SPTBN1: variants seen among roughly 807,000 people sequenced by gnomAD.
SPTBN1 encodes the protein spectrin beta chain, non-erythrocytic 1.
In SPTBN1, 32 loss-of-function variants were observed where a neutral mutation model predicts 266.4. That is an observed-to-expected ratio of 0.12 (90% CI 0.09 to 0.16). The LOEUF is 0.16. Ranked by LOEUF, SPTBN1 falls within the 10% of genes least tolerant of loss-of-function variation. The pLI, the probability that SPTBN1 is intolerant of heterozygous loss-of-function variation, is 1.00. For missense variants in SPTBN1, 2,296 were observed against 3,067.1 expected, an observed-to-expected ratio of 0.75 and a Z score of 5.94; for synonymous variants, 1,336 against 1,162.2, an observed-to-expected ratio of 1.15 and a Z score of -3.04.
chr2:54,573,005 G>C (rs923952410), intron 2 of SPTBN1, among the ~76,000 whole-genome samples: 2 of 152,136 alleles, frequency 1.3e-5, no homozygotes, highest in Non-Finnish European at 2.9e-5. Flanking sequence ...ATGAGAAGGC[G>C]GGCCCAGACC....
At chr2:54,498,016 A>T (rs1008256018) in intron 1 of SPTBN1, among the ~76,000 whole-genome samples, 1 of 152,230 alleles carries the variant, frequency 6.6e-6, no homozygotes, top group Non-Finnish European at 1.5e-5. Flanking sequence ...GTCCATCAAG[A>T]ATCAAGTTCC....
At chr2:54,632,343 C>G (rs978859593) in intron 16 of SPTBN1, among the ~76,000 whole-genome samples, 6 of 151,858 alleles carry the variant, frequency 4.0e-5, no homozygotes, top group Admixed American at 3.9e-4. Flanking sequence ...TCCTCACTCT[C>G]TTTGGAAAAA....
Position 54,618,349 on chromosome 2 carries a change from A to G in SPTBN1, c.763+156A>G, listed in dbSNP as rs13419870. On this transcript the variant is annotated intron_variant, in intron 7 of 35. Transcript: ENST00000356805. ...AATTTTTTGAGGATTTATGGAAAGG[A>G]TGACACTCAAAAAGGCCTTGAAAGA... Among the ~76,000 whole-genome samples the G allele has an allele frequency of 8.9e-3, 1,360 of 152,332 alleles. 17 individuals carry two copies. The highest frequency in any genetic ancestry group is 0.031 in the Middle Eastern group (9 of 294).
intron 2 of SPTBN1, among the ~76,000 whole-genome samples, chr2:54,544,740 A>C (rs1450038397): frequency 2.6e-5 from 4 of 152,210 alleles, no homozygotes; most frequent in African/African-American, 9.7e-5. Flanking sequence ...TACAAACTTG[A>C]ACAAAGTTTT....
intron 2 of SPTBN1, among the ~76,000 whole-genome samples, chr2:54,597,108 T>C (rs78086042): frequency 2.0e-3 from 307 of 152,336 alleles, no homozygotes; most frequent in African/African-American, 7.2e-3. Flanking sequence ...TAAAGACATT[T>C]TCTGACTCCA....
rs1671867259 is a variant in SPTBN1, at chr2:54,540,446, T to G, written c.148+13880T>G. ...ACTCACACGTCCTTTACTGTGGATT[T>G]GGCCCCTGCCTTCTTTTGTGCTCCA... is the stretch of plus-strand genomic sequence containing the variant. On this transcript the variant is annotated intron_variant, in intron 2 of 35. Transcript: ENST00000356805. This position sits in a 1 kb window ranked among gnomAD's most constrained non-coding sequence, Gnocchi z 5.6. Among the ~76,000 whole-genome samples the G allele has an allele frequency of 2.0e-5, 3 of 152,236 alleles. No homozygotes were observed. In the South Asian group the frequency reaches 6.2e-4, roughly 32 times the overall value.
At chr2:54,634,364 C>T (rs1020670778) in intron 17 of SPTBN1, among the ~76,000 whole-genome samples, 3 of 152,214 alleles carry the variant, frequency 2.0e-5, no homozygotes, top group Non-Finnish European at 2.9e-5. Context: ...TGCCCTTGAC[C>T]AAGAGCCTGG....
At chr2:54,644,883 C>T (rs1289795016) in intron 20 of SPTBN1, among the ~76,000 whole-genome samples, 1 of 152,206 alleles carries the variant, frequency 6.6e-6, no homozygotes, top group Admixed American at 6.5e-5. Context: ...AAATGTTCAT[C>T]TCATTCAATT....
intron 1 of SPTBN1, among the ~76,000 whole-genome samples, chr2:54,496,891 G>A (rs1172374310): frequency 1.3e-5 from 2 of 152,180 alleles, no homozygotes; most frequent in Non-Finnish European, 2.9e-5. Context: ...TGATATTACT[G>A]TGCTCATGGA....
At chr2:54,518,246 T>A (rs1164021543) in intron 1 of SPTBN1, among the ~76,000 whole-genome samples, 1 of 151,742 alleles carries the variant, frequency 6.6e-6, no homozygotes, top group Non-Finnish European at 1.5e-5. Context: ...TAGGTGGGAA[T>A]TGAACAGTGA....
chr2:54,608,237 A>T (rs1431635218), intron 3 of SPTBN1, among the ~76,000 whole-genome samples: 1 of 152,242 alleles, frequency 6.6e-6, no homozygotes, highest in Non-Finnish European at 1.5e-5. Context: ...TGCTCTTAGG[A>T]AGCGAACAGT....
intron 9 of SPTBN1, 31 bp from the exon 10 acceptor site, chr2:54,623,448 G>A (rs1470310856): frequency 3.1e-6 from 5 of 1,601,604 alleles, no homozygotes; most frequent in African/African-American, 2.7e-5. Flanking sequence ...TTTTTCTCCA[G>A]TACCAAATGA....
At chr2:54,612,543 G>C (rs1433679171) in intron 4 of SPTBN1, among the ~76,000 whole-genome samples, 3 of 152,158 alleles carry the variant, frequency 2.0e-5, no homozygotes, top group Non-Finnish European at 2.9e-5. Flanking sequence ...AATTGTACTA[G>C]CCCTGGTAAT....
Position 54,626,219 on chromosome 2 carries a change from G to A in SPTBN1, c.1629G>A (p.Trp543Ter). Residue 543 changes from tryptophan to a stop codon, truncating the protein, a stop_gained, in exon 12 of 36, where the codon TGG becomes TGA. Coordinates refer to ENST00000356805, the MANE Select transcript of SPTBN1 (RefSeq NM_003128.3). LOFTEE classifies it high-confidence loss of function. This position sits in a 1 kb window ranked among gnomAD's most constrained non-coding sequence, Gnocchi z 4.7. The stretch of plus-strand genomic sequence containing the variant: ...AGGAAATGCTCTACATTATGGACTG[G>A]ATGGATGAAATGAAGGTAAAACCTG... ...IFQEMLYIMD[W>*]MDEMKVLVLS... 1 of 1,613,474 alleles carries A rather than the reference G, an allele frequency of 6.2e-7. No individual in the cohort carries two copies. The highest frequency in any genetic ancestry group is 1.6e-4 in the Middle Eastern group (1 of 6,062).
chr2:54,619,378 T>G (rs1677846689), intron 7 of SPTBN1, among the ~76,000 whole-genome samples: 1 of 152,372 alleles, frequency 6.6e-6, no homozygotes, highest in African/African-American at 2.4e-5. Context: ...GAATTTTTCC[T>G]TAGCCCTAGT....
intron 2 of SPTBN1, among the ~76,000 whole-genome samples, chr2:54,555,382 A>T (rs1384298603): frequency 6.6e-6 from 1 of 152,056 alleles, no homozygotes; most frequent in East Asian, 1.9e-4. Flanking sequence ...TGTCCCCTGC[A>T]CCCCTCTAGC....
At chr2:54,536,591 T>G (rs1401644857) in intron 2 of SPTBN1, among the ~76,000 whole-genome samples, 2 of 152,226 alleles carry the variant, frequency 1.3e-5, no homozygotes, top group East Asian at 3.8e-4. Flanking sequence ...ACAGCAGAGC[T>G]AAATATTTGG....
intron 10 of SPTBN1, 70 bp downstream of exon 10, chr2:54,623,666 A>G (rs1678139712): frequency 4.0e-6 from 5 of 1,260,488 alleles, no homozygotes; most frequent in Non-Finnish European, 5.6e-6. Context: ...CTAGGTCTCG[A>G]CTGCTAAGAG....
chr2:54,617,755 G>T, intron 6 of SPTBN1, 67 bp downstream of exon 6: 1 of 1,532,060 alleles, frequency 6.5e-7, no homozygotes, highest in East Asian at 2.3e-5. Flanking sequence ...TAGCAGATTT[G>T]GGTGACTTTT....
Sources: gnomAD v4.1 joint callset for allele counts (sites outside exome capture counted in the v4.1 genomes callset) on GRCh38, gnomAD v4.1.1 for gene constraint, Gnocchi (gnomAD v3.1) non-coding constraint, MANE v1.5 for transcripts, NCBI Gene and HGNC (gene_info 2026-07-23, HGNC 2026-07-21) for gene names.